The following ODAD2 variants were observed in gnomAD, a reference collection of about 807,000 sequenced individuals.
ODAD2 encodes the protein outer dynein arm-docking complex subunit 2.
Under a neutral mutation model 106.8 loss-of-function variants are expected in ODAD2, and 89 were observed. That is an observed-to-expected ratio of 0.83 (90% CI 0.70 to 0.99). The LOEUF is 0.99. ODAD2 is among the 50% of genes least tolerant of loss of function. The pLI is 0.00. For synonymous variants in ODAD2, 404 were observed against 436.2 expected, an observed-to-expected ratio of 0.93 and a Z score of 0.92; for missense variants, 1,168 against 1,238.5, an observed-to-expected ratio of 0.94 and a Z score of 0.85.
At chr10:27,998,237 G>A (rs1850672329) in intron 1 of ODAD2, among the ~76,000 whole-genome samples, 1 of 152,172 alleles carries the variant, frequency 6.6e-6, no homozygotes, top group Admixed American at 6.5e-5. Flanking sequence ...AAGTTACTCA[G>A]TAAGACCGAC....
intron 10 of ODAD2, among the ~76,000 whole-genome samples, chr10:27,950,001 AG>A (rs1243547067): frequency 6.6e-6 from 1 of 152,194 alleles, no homozygotes; most frequent in Non-Finnish European, 1.5e-5. Context: ...TGAGACAGGA[AG>A]GAAGGCAGAG....
At chr10:27,893,158 C>T (rs1564474040) in intron 17 of ODAD2, among the ~76,000 whole-genome samples, 1 of 141,854 alleles carries the variant, frequency 7.0e-6, no homozygotes. Flanking sequence ...GACTCCTTCT[C>T]AAAAAAAAAG....
intron 16 of ODAD2, among the ~76,000 whole-genome samples, chr10:27,929,780 G>T (rs1383360492): frequency 6.6e-6 from 1 of 152,132 alleles, no homozygotes; most frequent in Non-Finnish European, 1.5e-5. Context: ...ATGCAGAGAA[G>T]TTTACAGCCA....
In ODAD2 at chr10:27,923,862, T is replaced by C. The variant is rs1590033315; in HGVS notation, c.2495+11148A>G. Among the ~76,000 whole-genome samples the C allele has an allele frequency of 5.3e-5, 8 of 151,552 alleles. No individual in the cohort carries two copies. In the South Asian group the frequency reaches 1.7e-3, roughly 32 times the overall value. On this transcript the variant is annotated intron_variant, in intron 16 of 19. Transcript: ENST00000305242. ...TACTTGGGAGGCTGAGGTGGTAGGA[T>C]TGCTTGAGTCCAGGAGTCCAAGGCT... is the stretch of plus-strand genomic sequence containing the variant.
In ODAD2 at chr10:27,934,387, A is replaced by G. The variant is rs537857384; in HGVS notation, c.2495+623T>C. Among the ~76,000 whole-genome samples the G allele has an allele frequency of 4.0e-5, 6 of 150,716 alleles. No individual in the cohort carries two copies. In the East Asian group the frequency reaches 7.8e-4, roughly 19 times the overall value. On this transcript the variant is annotated intron_variant, in intron 16 of 19. Coordinates refer to ENST00000305242, the MANE Select transcript of ODAD2 (RefSeq NM_018076.5). ...GTAAAGATATATATCTTTATAAAAT[A>G]TAAAGATATATGTCTTTATACATAT... is the stretch of plus-strand genomic sequence containing the variant.
rs10580710 is a variant in ODAD2, at chr10:27,827,379, C to CTATATATA, written c.3022-14762_3022-14755dup. Among the ~76,000 whole-genome samples the CTATATATA allele has an allele frequency of 8.1e-3, 1,072 of 132,360 alleles. 9 individuals carry two copies. The highest frequency in any genetic ancestry group is 0.012 in the Non-Finnish European group (790 of 64,114). 86.8% of individuals were successfully genotyped at this position (132,360 alleles called of 152,430 possible). A position where few individuals can be genotyped will look rare whatever the true frequency, so the allele number is the denominator to read the frequency against. On this transcript the variant is annotated intron_variant, in intron 19 of 19. Coordinates refer to ENST00000305242, the MANE Select transcript of ODAD2 (RefSeq NM_018076.5). ...AGACACACACATACACACACACACA[C>CTATATATA]TATATATATATATATATATATATAT... is the stretch of plus-strand genomic sequence containing the variant.
intron 2 of ODAD2, 114 bp downstream of exon 2, chr10:27,994,805 T>C: frequency 8.8e-7 from 1 of 1,142,292 alleles, no homozygotes; most frequent in Non-Finnish European, 1.2e-6. Flanking sequence ...TTCCCTGGTT[T>C]AGAGGGCTTC....
At chr10:27,930,679 T>C (rs1845556903) in intron 16 of ODAD2, among the ~76,000 whole-genome samples, 1 of 152,110 alleles carries the variant, frequency 6.6e-6, no homozygotes, top group South Asian at 2.1e-4. Flanking sequence ...ATATAATTTT[T>C]TGATTCTCTT....
intron 5 of ODAD2, 31 bp from the exon 6 acceptor site, chr10:27,984,010 G>A (rs1849721958): frequency 1.9e-6 from 3 of 1,599,212 alleles, no homozygotes; most frequent in African/African-American, 2.7e-5. Context: ...ATTAACAGGA[G>A]TTCCTTAACC....
At chr10:27,970,213 C>T (rs4749290) in intron 8 of ODAD2, among the ~76,000 whole-genome samples, 32,062 of 151,968 alleles carry the variant, frequency 0.21, 3,722 homozygotes, top group Middle Eastern at 0.3. Context: ...TGCTTTGACG[C>T]CTGTTTATAG....
At chr10:27,948,779 ATTT>A (rs11451204) in intron 10 of ODAD2, among the ~76,000 whole-genome samples, 13 of 40,318 alleles carry the variant, frequency 3.2e-4, no homozygotes, top group Admixed American at 2.8e-3. Flanking sequence ...TGGCCTTTGG[ATTT>A]TTTTTTTTTT....
intron 9 of ODAD2, among the ~76,000 whole-genome samples, chr10:27,965,966 C>T (rs757068936): frequency 6.6e-6 from 1 of 152,190 alleles, no homozygotes; most frequent in Non-Finnish European, 1.5e-5. Context: ...TGTTTCTCTC[C>T]CTCCTCTGCT....
intron 17 of ODAD2, among the ~76,000 whole-genome samples, chr10:27,900,344 T>C (rs1843115542): frequency 6.6e-6 from 1 of 151,952 alleles, no homozygotes; most frequent in Admixed American, 6.6e-5. Flanking sequence ...GGTAGATAAA[T>C]CCACAAAGAT....
intron 16 of ODAD2, among the ~76,000 whole-genome samples, chr10:27,922,157 A>AG (rs1304665452): frequency 6.6e-6 from 1 of 150,926 alleles, no homozygotes; most frequent in Non-Finnish European, 1.5e-5. Context: ...CTGCCTCAAA[A>AG]AAAAAAAAAA....
At chr10:27,981,754 T>C (rs2133100483) in intron 6 of ODAD2, 172 bp from the exon 7 acceptor site, 2 of 484,688 alleles carry the variant, frequency 4.1e-6, no homozygotes, top group East Asian at 3.8e-5. Flanking sequence ...TTTAATGTTA[T>C]CTATTTTTCC....
chr10:27,860,947 G>C, intron 18 of ODAD2, 101 bp from the exon 19 acceptor site: 1 of 1,007,650 alleles, frequency 9.9e-7, no homozygotes, highest in South Asian at 1.5e-5. Flanking sequence ...ACACCAATGA[G>C]TCTAGAGAAA....
At chr10:27,866,252 G>C (rs1840430305) in intron 17 of ODAD2, among the ~76,000 whole-genome samples, 1 of 152,170 alleles carries the variant, frequency 6.6e-6, no homozygotes. Flanking sequence ...CATAGATGAA[G>C]AAAACCCAGA....
intron 19 of ODAD2, among the ~76,000 whole-genome samples, chr10:27,851,406 T>C (rs979148796): frequency 1.3e-5 from 2 of 152,108 alleles, no homozygotes; most frequent in African/African-American, 4.8e-5. Context: ...CATGTTAACA[T>C]TCAAGGAATT....
At chr10:27,936,210 T>A (rs1845962164) in intron 15 of ODAD2, among the ~76,000 whole-genome samples, 1 of 152,178 alleles carries the variant, frequency 6.6e-6, no homozygotes, top group South Asian at 2.1e-4. Flanking sequence ...AAGAGATAGA[T>A]TTGAAAATTA....
Sources: allele counts gnomAD v4.1 joint callset (sites outside exome capture counted in the v4.1 genomes callset), GRCh38; gene constraint gnomAD v4.1.1; transcripts MANE v1.5; gene names NCBI Gene and HGNC (gene_info 2026-07-23, HGNC 2026-07-21).